RORA: variants seen among roughly 807,000 people sequenced by gnomAD.
The protein encoded by RORA is RAR related orphan receptor A.
RORA carries 7 observed loss-of-function variants against 69.5 expected under a neutral mutation model. That is an observed-to-expected ratio of 0.10 (90% CI 0.06 to 0.19). The LOEUF is 0.19. Among genes scored for constraint, RORA ranks in the 10% least tolerant of loss-of-function variants. The pLI is 1.00. For synonymous variants in RORA, 261 were observed against 240.8 expected, an observed-to-expected ratio of 1.08 and a Z score of -0.78; for missense variants, 457 against 663.0, an observed-to-expected ratio of 0.69 and a Z score of 3.41.
At position 60,534,522 on chromosome 15, in the gene RORA, A is replaced by G. The variant is rs777445936; in HGVS notation, c.197-2671T>C. Among the ~76,000 whole-genome samples, 1 of 152,060 alleles carries G rather than the reference A, an allele frequency of 6.6e-6. No individual in the cohort carries two copies. The highest frequency in any genetic ancestry group is 1.5e-5 in the Non-Finnish European group (1 of 68,012). ...GCCATTCACTTAGATCTTTGTCCCC[A>G]TGTGTCTGTGCTTAGTTCCAGTGGG... On this transcript the variant is annotated intron_variant, in intron 2 of 10. Coordinates refer to ENST00000335670, the MANE Select transcript of RORA (RefSeq NM_134261.3). This position sits in a 1 kb window ranked among gnomAD's most constrained non-coding sequence, Gnocchi z 5.0.
chr15:61,088,056 A>G (rs1160265790), intron 1 of RORA, among the ~76,000 whole-genome samples: 2 of 152,238 alleles, frequency 1.3e-5, no homozygotes, highest in African/African-American at 4.8e-5. Flanking sequence ...TCGGATCTAC[A>G]GAGGGTTATC....
rs112879384 is a variant in RORA at position 61,007,972 on chromosome 15, T to C, written c.166+221081A>G. Reference sequence around the variant, plus strand: ...GGTATCAAAAAAGAGCTTGTTCGTGTATTTCTTTAAAAAATGAATGACAGC... The same window carrying C: ...GGTATCAAAAAAGAGCTTGTTCGTGCATTTCTTTAAAAAATGAATGACAGC... On this transcript the variant is annotated intron_variant, in intron 1 of 10. Transcript: ENST00000335670. Among the ~76,000 whole-genome samples the C allele has an allele frequency of 4.7e-3, 710 of 151,828 alleles. 6 individuals are homozygous for C. Among genetic ancestry groups the C allele is most frequent in the African/African-American group, 0.016 (670 of 41,498 alleles).
chr15:60,712,689 C>T (rs912352222), intron 1 of RORA, among the ~76,000 whole-genome samples: 3 of 152,182 alleles, frequency 2.0e-5, no homozygotes, highest in African/African-American at 7.2e-5. Flanking sequence ...TTGCAAACTG[C>T]ACAAGACTCA....
intron 1 of RORA, among the ~76,000 whole-genome samples, chr15:60,679,208 T>A (rs2070604160): frequency 6.6e-6 from 1 of 152,190 alleles, no homozygotes; most frequent in Non-Finnish European, 1.5e-5. Flanking sequence ...TACCTATGTG[T>A]CTGTACTCAT....
At chr15:61,227,585 G>C (rs537395164) in intron 1 of RORA, among the ~76,000 whole-genome samples, 56 of 152,128 alleles carry the variant, frequency 3.7e-4, no homozygotes, top group Admixed American at 3.1e-3. Flanking sequence ...GGTGGGGGGG[G>C]GGATACTGTA....
At chr15:61,037,769 A>G (rs1388065733) in intron 1 of RORA, among the ~76,000 whole-genome samples, 1 of 152,206 alleles carries the variant, frequency 6.6e-6, no homozygotes, top group African/African-American at 2.4e-5. Context: ...AGTAATTGTA[A>G]GGCAAGGTGG....
At position 60,497,321 on chromosome 15, in the gene RORA, C is replaced by A; in HGVS notation, c.*134G>T. 1 of 661,230 alleles carries A rather than the reference C, an allele frequency of 1.5e-6. No individual in the cohort carries two copies. The allele number at this position is 661,230 out of a possible 1,614,324, so 41.0% of individuals were successfully genotyped here. ...CATTGTTTCCCCTCCTTTGCCTGACCCCGATCACCAAAAGATGTGCAGTGT... is the reference window on the plus strand; with the variant it reads ...CATTGTTTCCCCTCCTTTGCCTGACACCGATCACCAAAAGATGTGCAGTGT... On this transcript the variant is annotated 3_prime_UTR_variant, in exon 11 of 11. Transcript: ENST00000335670.
chr15:60,549,700 C>T (rs1487135624), intron 2 of RORA, among the ~76,000 whole-genome samples: 1 of 152,146 alleles, frequency 6.6e-6, no homozygotes, highest in Non-Finnish European at 1.5e-5. Flanking sequence ...TCCATTTTCT[C>T]TGCTTTCAAA....
intron 2 of RORA, among the ~76,000 whole-genome samples, chr15:60,654,182 G>A (rs1222677562): frequency 6.6e-6 from 1 of 152,188 alleles, no homozygotes; most frequent in African/African-American, 2.4e-5. Context: ...TGCAAATGAA[G>A]ATTCCAATCT....
At chr15:61,015,980 C>T (rs917203026) in intron 1 of RORA, among the ~76,000 whole-genome samples, 2 of 152,088 alleles carry the variant, frequency 1.3e-5, no homozygotes, top group African/African-American at 2.4e-5. Context: ...CCAAGACGAC[C>T]GGAGGGCTTG....
At chr15:60,559,158 A>C (rs1393544049) in intron 2 of RORA, among the ~76,000 whole-genome samples, 1 of 152,188 alleles carries the variant, frequency 6.6e-6, no homozygotes, top group East Asian at 1.9e-4. Flanking sequence ...CTTCTCGAAA[A>C]AATTTATTAG....
At chr15:60,734,447 A>G (rs940050720) in intron 1 of RORA, among the ~76,000 whole-genome samples, 6 of 152,234 alleles carry the variant, frequency 3.9e-5, no homozygotes, top group Admixed American at 2.0e-4. Context: ...TAACACAGGA[A>G]TGATTATTTT....
At position 60,678,205 on chromosome 15, in the gene RORA, T is replaced by A. The variant is rs772654901; in HGVS notation, c.196+452A>T. 179 of 153,664 alleles carry A rather than the reference T, an allele frequency of 1.2e-3. 1 individual carries two copies. The highest frequency in any genetic ancestry group is 1.6e-3 in the Non-Finnish European group (110 of 69,000). The allele number at this position is 153,664 out of a possible 1,614,324, so 9.5% of individuals were successfully genotyped here. On this transcript the variant is annotated intron_variant, in intron 2 of 10. Coordinates refer to ENST00000335670, the MANE Select transcript of RORA (RefSeq NM_134261.3). ...ATGCCCGTGGTCGAGCGACAGCGCC[T>A]CTATTCCCAGTCAGCATCTCTGCTC... is the stretch of plus-strand genomic sequence containing the variant.
chr15:60,627,333 C>T, intron 2 of RORA: 1 of 1,614,222 alleles, frequency 6.2e-7, no homozygotes, highest in Non-Finnish European at 8.5e-7. Flanking sequence ...GCACTCTTGC[C>T]TCAGTCTCTA....
rs978663482 is a variant in RORA, at chr15:60,495,211, T to A, written c.*2244A>T. 4.6e-5 allele frequency: 7 copies of A among 152,208 alleles called. No homozygotes were observed. The highest frequency in any genetic ancestry group is 8.8e-5 in the Non-Finnish European group (6 of 68,036). The allele number at this position is 152,208 out of a possible 1,614,324, so 9.4% of individuals were successfully genotyped here. Reference sequence around the variant, plus strand: ...GAATAAATAACTGAACTAAGCTTGGTACTCTTTTCAGAGTATAAATACTAC... The same window carrying A: ...GAATAAATAACTGAACTAAGCTTGGAACTCTTTTCAGAGTATAAATACTAC... On this transcript the variant is annotated 3_prime_UTR_variant, in exon 11 of 11. Transcript: ENST00000335670.
intron 1 of RORA, among the ~76,000 whole-genome samples, chr15:60,972,319 C>T (rs1442338479): frequency 6.6e-6 from 1 of 152,164 alleles, no homozygotes; most frequent in African/African-American, 2.4e-5. Context: ...ACAACAACAG[C>T]ATAAAGAGCA....
chr15:60,606,270 A>G (rs17303062), intron 2 of RORA, among the ~76,000 whole-genome samples: 8,048 of 152,280 alleles, frequency 0.053, 290 homozygotes, highest in East Asian at 0.15. Flanking sequence ...AGTAAATGCT[A>G]TTGTTGGAAC....
intron 1 of RORA, among the ~76,000 whole-genome samples, chr15:61,028,920 A>ATGGTGGTGGTGAGGG (rs531189308): frequency 9.1e-4 from 139 of 152,220 alleles, no homozygotes; most frequent in Non-Finnish European, 1.4e-3. Flanking sequence ...AACAGGAGGG[A>ATGGTGGTGGTGAGGG]TGGTGGTGGT....
chr15:60,714,773 G>A (rs959367056), intron 1 of RORA, among the ~76,000 whole-genome samples: 1 of 152,164 alleles, frequency 6.6e-6, no homozygotes, highest in African/African-American at 2.4e-5. Context: ...AAAATATACT[G>A]ATGTGATGTG....
Sources: allele counts gnomAD v4.1 joint callset (sites outside exome capture counted in the v4.1 genomes callset), GRCh38; gene constraint gnomAD v4.1.1; non-coding constraint Gnocchi (gnomAD v3.1); transcripts MANE v1.5; gene names NCBI Gene and HGNC (gene_info 2026-07-23, HGNC 2026-07-21).